The following ICAM3 variants were observed in gnomAD, a reference collection of about 807,000 sequenced individuals.
The protein encoded by ICAM3 is intercellular adhesion molecule 3, also known as ICAM-3.
A neutral mutation model predicts 43.6 loss-of-function variants in ICAM3; 54 were observed. The observed-to-expected ratio is 1.24, with a 90% confidence interval of 0.99 to 1.55. The LOEUF (loss-of-function observed/expected upper bound fraction) is 1.55. Ranked by LOEUF, ICAM3 falls within the 40% of genes most tolerant of loss-of-function variation. The pLI is 0.00. For synonymous variants in ICAM3, 306 were observed against 312.6 expected (o/e 0.98, Z 0.22); for missense variants, 715 against 717.9 (o/e 1.00, Z 0.05).
In ICAM3 at chr19:10,335,355, T is replaced by G. The variant is rs757551031; in HGVS notation, c.650-2A>C. The G allele has an allele frequency of 3.5e-5, 56 of 1,597,898 alleles. 1 individual carries two copies. The South Asian group carries it at 5.8e-4, about 16-fold the overall frequency. ...GGCGCGGGGGGGTCACGGGCAGGAC[T>G]GGGGAGAAAGGTGGGCATAGTACAA... On this transcript the variant is annotated splice_acceptor_variant, in intron 3 of 6. Transcript: ENST00000160262. LOFTEE classifies it high-confidence loss of function.
Position 10,334,496 on chromosome 19 carries a change from G to A in ICAM3, c.1192+32C>T, listed in dbSNP as rs893837562. 1 of 1,602,668 alleles carries A rather than the reference G, an allele frequency of 6.2e-7. No individual in the cohort carries two copies. Among genetic ancestry groups the A allele is most frequent in the Non-Finnish European group, 8.5e-7 (1 of 1,172,558 alleles). On this transcript the variant is annotated intron_variant, in intron 5 of 6. Transcript: ENST00000160262. This position sits in a 1 kb window ranked among gnomAD's most constrained non-coding sequence, Gnocchi z 5.5. ...CGTCTAATCTTTCCAGGGCAGGGGTGGAGGGATTAAAGGTCAGGGTGACCG... is the reference window on the plus strand; with the variant it reads ...CGTCTAATCTTTCCAGGGCAGGGGTAGAGGGATTAAAGGTCAGGGTGACCG...
rs202018816 is a variant in ICAM3, at chr19:10,334,390, C to T, written c.1211G>A (p.Arg404Gln). 6.9e-5 allele frequency: 111 copies of T among 1,614,090 alleles called. No individual in the cohort carries two copies. In the East Asian group the frequency reaches 1.1e-3, roughly 17 times the overall value. The change falls in exon 6 of 7, where the codon CGA (arginine) becomes CAA (glutamine). Residue 404 changes from arginine (R) to glutamine (Q), a missense_variant. Coordinates refer to ENST00000160262, the MANE Select transcript of ICAM3 (RefSeq NM_002162.5). The surrounding 1 kb of genome is among the most constrained non-coding windows in gnomAD (Gnocchi z 5.5). ...LRVLYGPKID[R>Q]ATCPQHLKWK... ...TTTCAAGTGCTGGGGGCATGTGGCT[C>T]GGTCAATTTTGGGACCATCTGTGGA...
chr19:10,335,591 C>T, intron 3 of ICAM3, 80 bp downstream of exon 3: 1 of 1,381,162 alleles, frequency 7.2e-7, no homozygotes, highest in Non-Finnish European at 9.9e-7. Context: ...CGGGGTACCC[C>T]ACTCTCAGGA....
chr19:10,339,183 G>A, intron 1 of ICAM3: 1 of 596,406 alleles, frequency 1.7e-6, no homozygotes, highest in Non-Finnish European at 3.0e-6. Context: ...CTGGAAGCGG[G>A]GACCATTGCA....
chr19:10,339,581 T>C lies in ICAM3; in HGVS notation c.34A>G (p.Arg12Gly). ...CAGACCAGCAGAGTCCAGCAGGCCC[T>C]GGGCCACAACACGGATGGTACCATG... The part of the protein sequence containing the change: ...ATMVPSVLWP[R>G]ACWTLLVCCL... Residue 12 changes from arginine to glycine, a missense_variant, in exon 1 of 7, where the codon AGG (arginine) becomes GGG (glycine). Transcript: ENST00000160262. The C allele has an allele frequency of 1.2e-6, 2 of 1,614,058 alleles. No homozygotes were observed. Among genetic ancestry groups the C allele is most frequent in the Admixed American group, 1.7e-5 (1 of 60,022 alleles).
intron 1 of ICAM3, 80 bp from the exon 2 acceptor site, chr19:10,339,028 C>G: frequency 6.8e-7 from 1 of 1,464,880 alleles, no homozygotes; most frequent in Non-Finnish European, 9.4e-7. Flanking sequence ...CATTTAACAC[C>G]TCTCTCCTTG....
In ICAM3 at chr19:10,334,639, G is replaced by T; in HGVS notation, c.1081C>A (p.Gln361Lys). ...AAAPGQPAQL[Q>K]LNATESDDGR... is the part of the protein sequence containing the mutation. ...TCGTCACTCTCGGTAGCATTTAGCT[G>T]AAGTTGAGCTGGCTGCCCCGGGGCC... The change falls in exon 5 of 7, where the codon CAG becomes AAG. Residue 361 changes from glutamine (Q) to lysine (K), a missense_variant. Physicochemically the swap from Gln to Lys is moderately conservative, Grantham distance 53. Coordinates refer to ENST00000160262, the MANE Select transcript of ICAM3 (RefSeq NM_002162.5). The surrounding 1 kb of genome is among the most constrained non-coding windows in gnomAD (Gnocchi z 5.5). 1 of 1,613,620 alleles carries T rather than the reference G, an allele frequency of 6.2e-7. No homozygotes were observed. The highest frequency in any genetic ancestry group is 8.5e-7 in the Non-Finnish European group (1 of 1,180,020).
At position 10,339,292 on chromosome 19, in the gene ICAM3, G is replaced by C. The variant is rs535394565; in HGVS notation, c.76+247C>G. On this transcript the variant is annotated intron_variant, in intron 1 of 6. Transcript: ENST00000160262. Reference sequence around the variant, plus strand: ...GCAAAGGGCAAATTTCAGGAGTTCAGATGGAGCAGGAAGCATGAGGGGTGT... The same window carrying C: ...GCAAAGGGCAAATTTCAGGAGTTCACATGGAGCAGGAAGCATGAGGGGTGT... The C allele has an allele frequency of 4.3e-5, 25 of 582,530 alleles. 1 individual carries two copies. In the South Asian group the frequency reaches 4.9e-4, roughly 11 times the overall value. 36.1% of individuals were successfully genotyped at this position (582,530 alleles called of 1,614,324 possible). A position where few individuals can be genotyped will look rare whatever the true frequency, so the allele number is the denominator to read the frequency against.
intron 1 of ICAM3, 167 bp from the exon 2 acceptor site, chr19:10,339,115 AAGG>A: frequency 1.4e-6 from 1 of 714,982 alleles, no homozygotes; most frequent in Non-Finnish European, 2.3e-6. Flanking sequence ...GAGAACTCAG[AAGG>A]AGGCCAGAAG....
rs749034840 is a variant in ICAM3, at chr19:10,335,293, C to T, written c.710G>A (p.Trp237Ter). 4 of 1,612,938 alleles carry T rather than the reference C, an allele frequency of 2.5e-6. No homozygotes were observed. Among genetic ancestry groups the T allele is most frequent in the Non-Finnish European group, 2.5e-6 (3 of 1,179,916 alleles). The change falls in exon 4 of 7, where the codon TGG becomes TAG. Residue 237 changes from tryptophan (W) to a stop codon, truncating the protein, a stop_gained. Coordinates refer to ENST00000160262, the MANE Select transcript of ICAM3 (RefSeq NM_002162.5). LOFTEE classifies it high-confidence loss of function. The part of the protein sequence containing the change: ...APRFLEVETS[W>*]PVDCTLDGLF... ...CCCGTCTAGGGTGCAGTCCACCGGC[C>T]ACGACGTTTCCACCTCCAAGAACCG...
intron 2 of ICAM3, chr19:10,336,322 T>G: frequency 3.9e-6 from 1 of 254,162 alleles, no homozygotes; most frequent in Non-Finnish European, 7.8e-6. Flanking sequence ...ACGCCTGTAA[T>G]CCCAGAGCTT....
At position 10,335,113 on chromosome 19, in the gene ICAM3, G is replaced by C; in HGVS notation, c.890C>G (p.Thr297Ser). The C allele has an allele frequency of 6.2e-7, 1 of 1,613,622 alleles. No homozygotes were observed. Among genetic ancestry groups the C allele is most frequent in the Non-Finnish European group, 8.5e-7 (1 of 1,179,918 alleles). ...EGAREIVCNV[T>S]LGGERREARE... ...GGCCTCCCGTCTCTCGCCCCCTAGG[G>C]TCACGTTGCAGACGATCTCCCGGGC... is the stretch of plus-strand genomic sequence containing the variant. The change falls in exon 4 of 7, where the codon ACC becomes AGC. Residue 297 changes from threonine to serine, a missense_variant. Physicochemically the swap from Thr to Ser is moderately conservative, Grantham distance 58. Transcript: ENST00000160262.
chr19:10,335,748 C>A lies in ICAM3; in HGVS notation c.572G>T (p.Arg191Leu), dbSNP rs1428211171. 6.2e-7 allele frequency: 1 copy of A among 1,611,744 alleles called. No homozygotes were observed. The highest frequency in any genetic ancestry group is 8.5e-7 in the Non-Finnish European group (1 of 1,179,344). ...CTGGGGCTGCATGTCCAGTTCTGTGCGGCATGAGAAAGGGGCTCCGTGGTC... is the reference window on the plus strand; with the variant it reads ...CTGGGGCTGCATGTCCAGTTCTGTGAGGCATGAGAAAGGGGCTCCGTGGTC... ...RDDHGAPFSC[R>L]TELDMQPQGL... Residue 191 changes from arginine to leucine, a missense_variant, in exon 3 of 7, where the codon CGC (arginine) becomes CTC (leucine). Arg to Leu is a moderately radical substitution (Grantham distance 102, BLOSUM62 -2). Coordinates refer to ENST00000160262, the MANE Select transcript of ICAM3 (RefSeq NM_002162.5).
chr19:10,335,429 G>A (rs1026800629), intron 3 of ICAM3, 76 bp from the exon 4 acceptor site: 6 of 1,361,866 alleles, frequency 4.4e-6, no homozygotes, highest in Non-Finnish European at 5.9e-6. Flanking sequence ...CCCCAGTCAG[G>A]ATATCTTGCT....
chr19:10,336,342 G>A (rs1381910541), intron 2 of ICAM3: 3 of 238,182 alleles, frequency 1.3e-5, no homozygotes, highest in Middle Eastern at 1.5e-3. Context: ...TTGGGAGGCC[G>A]GGGTGGGTGG....
Position 10,338,767 on chromosome 19 carries a change from G to C in ICAM3, c.258C>G (p.Ser86Arg). The C allele has an allele frequency of 6.2e-7, 1 of 1,614,178 alleles. No homozygotes were observed. Among genetic ancestry groups the C allele is most frequent in the South Asian group, 1.1e-5 (1 of 91,086 alleles). ...SGMGWAAFNL[S>R]NVTGNSRILC... ...GGATCCGACTGTTGCCAGTCACGTT[G>C]CTGAGATTGAAGGCTGCCCAGCCCA... is the stretch of plus-strand genomic sequence containing the variant. The change falls in exon 2 of 7, where the codon AGC becomes AGG. Residue 86 changes from serine to arginine, a missense_variant. By Grantham distance (110) the Ser-to-Arg change is moderately radical. Coordinates refer to ENST00000160262, the MANE Select transcript of ICAM3 (RefSeq NM_002162.5).
intron 2 of ICAM3, among the ~76,000 whole-genome samples, chr19:10,338,098 C>CA (rs59309783): frequency 0.23 from 29,919 of 132,194 alleles, 3,283 homozygotes; most frequent in South Asian, 0.27. Flanking sequence ...GACGCCATCT[C>CA]AAAAAAAAAA....
Position 10,335,909 on chromosome 19 carries a change from C to G in ICAM3, c.411G>C (p.Leu137=), listed in dbSNP as rs770261978. The change falls in exon 3 of 7, where the codon CTG becomes CTC. Residue 137 remains leucine (L), a synonymous_variant. Transcript: ENST00000160262. ...PWQPVGQNFT[L]RCQVEDGSPR... The stretch of plus-strand genomic sequence containing the variant: ...GCGACCCATCCTCCACTTGGCAGCG[C>G]AGGGTGAAGTTCTGGCCCACCGGCT... 17 of 1,594,500 alleles carry G rather than the reference C, an allele frequency of 1.1e-5. No homozygotes were observed. The highest frequency in any genetic ancestry group is 1.4e-5 in the Non-Finnish European group (17 of 1,174,732).
Position 10,334,037 on chromosome 19 carries a change from G to A in ICAM3, c.1464C>T (p.Pro488=). 6.2e-7 allele frequency: 1 copy of A among 1,614,086 alleles called. No homozygotes were observed. Among genetic ancestry groups the A allele is most frequent in the Non-Finnish European group, 8.5e-7 (1 of 1,180,010 alleles). Residue 488 remains proline, a synonymous_variant, in exon 7 of 7, where the codon CCC becomes CCT. Coordinates refer to ENST00000160262, the MANE Select transcript of ICAM3 (RefSeq NM_002162.5). This position sits in a 1 kb window ranked among gnomAD's most constrained non-coding sequence, Gnocchi z 5.5. Reference sequence around the variant, plus strand: ...GGGTCAGTAACACCGCCACGAAGACGGGGACAAAGTGGGAGCTCCCAGCTG... The same window carrying A: ...GGGTCAGTAACACCGCCACGAAGACAGGGACAAAGTGGGAGCTCCCAGCTG... The part of the protein sequence containing the change: ...DIEAGSSHFV[P]VFVAVLLTLG...
Sources: gnomAD v4.1 joint callset for allele counts (sites outside exome capture counted in the v4.1 genomes callset) on GRCh38, gnomAD v4.1.1 for gene constraint, Gnocchi (gnomAD v3.1) non-coding constraint, MANE v1.5 for transcripts, NCBI Gene and HGNC (gene_info 2026-07-23, HGNC 2026-07-21) for gene names.